The following PKHD1 variants were observed in gnomAD, a reference collection of about 807,000 sequenced individuals.
PKHD1 encodes the protein PKHD1 ciliary IPT domain containing fibrocystin/polyductin, also known as fibrocystin.
PKHD1 carries 291 observed loss-of-function variants against 412.0 expected under a neutral mutation model. The observed-to-expected ratio is 0.71, with a 90% CI of 0.64 to 0.78. PKHD1 has a LOEUF of 0.78. PKHD1 is among the 30% of genes least tolerant of loss of function. The pLI is 0.00. For synonymous variants in PKHD1, 1,777 were observed against 1,821.5 expected (o/e 0.98, Z 0.62); for missense variants, 4,825 against 4,950.7 (o/e 0.97, Z 0.76).
intron 35 of PKHD1, among the ~76,000 whole-genome samples, chr6:51,991,871 T>G (rs1797079744): frequency 6.6e-6 from 1 of 152,220 alleles, no homozygotes; most frequent in Non-Finnish European, 1.5e-5. Flanking sequence ...AACATACAGA[T>G]AGCATTTTTA....
intron 57 of PKHD1, among the ~76,000 whole-genome samples, chr6:51,750,768 T>C (rs1017351000): frequency 6.6e-6 from 1 of 151,908 alleles, no homozygotes; most frequent in Admixed American, 6.6e-5. Flanking sequence ...TCTTGAGCAT[T>C]AAATAAAGAA....
intron 60 of PKHD1, among the ~76,000 whole-genome samples, chr6:51,661,160 A>C (rs1772795017): frequency 6.6e-6 from 1 of 152,182 alleles, no homozygotes; most frequent in African/African-American, 2.4e-5. Flanking sequence ...AACCAGAGTC[A>C]AAGATCAAAT....
chr6:52,027,951 A>C (rs1802470596), intron 30 of PKHD1, 55 bp from the exon 31 acceptor site: 2 of 1,403,146 alleles, frequency 1.4e-6, no homozygotes, highest in East Asian at 4.6e-5. Flanking sequence ...GATAAGAAAG[A>C]GTAAGCCAGA....
At chr6:51,981,966 C>G (rs1170592424) in intron 35 of PKHD1, among the ~76,000 whole-genome samples, 2 of 72,510 alleles carry the variant, frequency 2.8e-5, no homozygotes, top group Non-Finnish European at 7.1e-5. Flanking sequence ...ACCTCTGCCC[C>G]GCCGCCCTGT....
chr6:51,619,615 A>AG, intron 66 of PKHD1, 95 bp from the exon 67 acceptor site: 1 of 993,074 alleles, frequency 1.0e-6, no homozygotes, highest in Non-Finnish European at 1.6e-6. Context: ...AGATATTGTC[A>AG]AATCAAAGAT....
intron 21 of PKHD1, among the ~76,000 whole-genome samples, chr6:52,052,395 G>T (rs776426907): frequency 6.6e-6 from 1 of 152,194 alleles, no homozygotes; most frequent in Non-Finnish European, 1.5e-5. Context: ...GCCCAAGAGT[G>T]GTCAAGGGAG....
intron 60 of PKHD1, among the ~76,000 whole-genome samples, chr6:51,736,735 T>C (rs1018573694): frequency 6.6e-6 from 1 of 152,150 alleles, no homozygotes; most frequent in South Asian, 2.1e-4. Flanking sequence ...TCTAACCGTT[T>C]CCTCTCTCCA....
chr6:51,979,014 T>C (rs1464232852), intron 35 of PKHD1, among the ~76,000 whole-genome samples: 1 of 152,234 alleles, frequency 6.6e-6, no homozygotes, highest in South Asian at 2.1e-4. Flanking sequence ...TAGCCATTAA[T>C]ATCAAGTTTA....
intron 11 of PKHD1, among the ~76,000 whole-genome samples, chr6:52,066,413 C>T (rs1294046143): frequency 2.6e-5 from 4 of 152,130 alleles, no homozygotes; most frequent in Admixed American, 2.6e-4. Flanking sequence ...CAGTAAGTTA[C>T]AACACAAGGA....
Position 51,906,353 on chromosome 6 carries a change from G to A in PKHD1, c.6683-13C>T. The stretch of plus-strand genomic sequence containing the variant: ...TGTATGAAAGACTCTGAATAGGAAA[G>A]AGTAAAGTAAAAATTAGATATGGCT... On this transcript the variant is annotated splice_polypyrimidine_tract_variant and intron_variant, in intron 40 of 66. Coordinates refer to ENST00000371117, the MANE Select transcript of PKHD1 (RefSeq NM_138694.4). The A allele has an allele frequency of 6.2e-7, 1 of 1,608,246 alleles. No homozygotes were observed. Among genetic ancestry groups the A allele is most frequent in the Non-Finnish European group, 8.5e-7 (1 of 1,175,122 alleles).
In PKHD1 at chr6:51,934,124, G is replaced by A. The variant is rs757084465; in HGVS notation, c.6107C>T (p.Thr2036Ile). 19 of 1,612,170 alleles carry A rather than the reference G, an allele frequency of 1.2e-5. No homozygotes were observed. Among genetic ancestry groups the A allele is most frequent in the Non-Finnish European group, 1.5e-5 (18 of 1,178,176 alleles). ...GCCTCACTCACCGTGCAGAGAAAGA[G>A]TTCCATTCCTCACAGCCAGGAACTT... ...GVKFLAVRNG[T>I]LSLHGSLPEV... is the part of the protein sequence containing the mutation. The change falls in exon 37 of 67, where the codon ACT (threonine) becomes ATT (isoleucine). Residue 2036 changes from threonine to isoleucine, a missense_variant. Transcript: ENST00000371117.
At chr6:51,621,530 CT>C (rs1186239177) in intron 66 of PKHD1, among the ~76,000 whole-genome samples, 1 of 152,154 alleles carries the variant, frequency 6.6e-6, no homozygotes, top group Admixed American at 6.5e-5. Flanking sequence ...CATTGGAAAT[CT>C]TTTCCCCCTT....
chr6:52,035,602 C>T lies in PKHD1; in HGVS notation c.3217G>A (p.Val1073Ile). The part of the protein sequence containing the change: ...TSNSSRIQCK[V>I]PPRGKDGRIV... ...AGGAATCCACTTACCCTGGGTGGAA[C>T]TTTGCACTGAATTCTGCTTGAATTG... Residue 1073 changes from valine to isoleucine, a missense_variant, in exon 28 of 67, where the codon GTT becomes ATT. By Grantham distance (29) the Val-to-Ile change is conservative (BLOSUM62 3). Transcript: ENST00000371117. 4 of 1,613,982 alleles carry T rather than the reference C, an allele frequency of 2.5e-6. No homozygotes were observed. The highest frequency in any genetic ancestry group is 3.4e-6 in the Non-Finnish European group (4 of 1,179,882).
chr6:51,640,439 G>A (rs1769197240), intron 63 of PKHD1, among the ~76,000 whole-genome samples: 1 of 152,182 alleles, frequency 6.6e-6, no homozygotes, highest in South Asian at 2.1e-4. Context: ...CAAAAGCTGA[G>A]GCAGTTGCTG....
In PKHD1 at chr6:52,025,176, G is replaced by A; in HGVS notation, c.4634C>T (p.Pro1545Leu). ...HVVCQTRDLA[P>L]GPHYLSVFYT... ...AAAAACTGACAGGTAGTGGGGTCCT[G>A]GGGCCAAGTCTCTTGTCTGGCACAC... Residue 1545 changes from proline (P) to leucine (L), a missense_variant, in exon 32 of 67, where the codon CCA (proline) becomes CTA (leucine). By Grantham distance (98) the Pro-to-Leu change is moderately conservative (BLOSUM62 -3). Transcript: ENST00000371117. 1 of 1,614,124 alleles carries A rather than the reference G, an allele frequency of 6.2e-7. No homozygotes were observed.
At chr6:51,760,388 C>G (rs549999466) in intron 55 of PKHD1, among the ~76,000 whole-genome samples, 1 of 152,054 alleles carries the variant, frequency 6.6e-6, no homozygotes, top group Non-Finnish European at 1.5e-5. Flanking sequence ...AGGAACAGGA[C>G]ACACAAATGT....
intron 61 of PKHD1, 61 bp from the exon 62 acceptor site, chr6:51,649,281 A>C (rs1220532536): frequency 1.3e-5 from 17 of 1,261,096 alleles, no homozygotes; most frequent in Non-Finnish European, 2.0e-5. Context: ...CTATGGTAGC[A>C]ATTTTCCACA....
chr6:51,908,116 A>G (rs1782393769), intron 40 of PKHD1, among the ~76,000 whole-genome samples: 1 of 152,136 alleles, frequency 6.6e-6, no homozygotes, highest in Admixed American at 6.6e-5. Context: ...AGAGAAGGAA[A>G]TAAAGATACT....
At chr6:51,930,205 A>G (rs1786353953) in intron 37 of PKHD1, among the ~76,000 whole-genome samples, 2 of 152,186 alleles carry the variant, frequency 1.3e-5, no homozygotes, top group Admixed American at 6.5e-5. Context: ...CTTATTGACT[A>G]CAGCTACCCA....
Sources: allele counts gnomAD v4.1 joint callset (sites outside exome capture counted in the v4.1 genomes callset), GRCh38; gene constraint gnomAD v4.1.1; transcripts MANE v1.5; gene names NCBI Gene and HGNC (gene_info 2026-07-23, HGNC 2026-07-21).